Variants in LRP2 observed in about 807,000 individuals in gnomAD.
LRP2 encodes LDL receptor related protein 2.
LRP2 carries 172 observed loss-of-function variants against 531.0 expected under a neutral mutation model. The ratio of observed to expected loss-of-function variants is 0.32; its 90% CI spans 0.29 to 0.37. The LOEUF (loss-of-function observed/expected upper bound fraction) is 0.37. Ranked by LOEUF, LRP2 falls within the 10% of genes least tolerant of loss-of-function variation. The probability of loss-of-function intolerance (pLI) is 1.00; values close to 1 mark genes in which losing one functional copy is unlikely to be tolerated. For synonymous variants in LRP2, 1,992 were observed against 2,027.6 expected (o/e 0.98, Z 0.47); for missense variants, 5,167 against 5,868.3 (o/e 0.88, Z 3.90).
intron 4 of LRP2, among the ~76,000 whole-genome samples, chr2:169,300,751 A>T (rs1684267138): frequency 6.6e-6 from 1 of 152,040 alleles, no homozygotes; most frequent in Non-Finnish European, 1.5e-5. Context: ...GACAGGTAAG[A>T]TGGGGTCCTT....
In LRP2 at chr2:169,165,943, G is replaced by C; in HGVS notation, c.11747C>G (p.Thr3916Arg). The change falls in exon 62 of 79, where the codon ACA becomes AGA. Residue 3916 changes from threonine to arginine, a missense_variant. Thr to Arg is a moderately conservative substitution (Grantham distance 71). Coordinates refer to ENST00000649046, the MANE Select transcript of LRP2 (RefSeq NM_004525.3). ...TGACTTTTGCTTACAGTGCTCCTCT[G>C]TCTCATCAGTTCCATCTCCACAGTC... is the stretch of plus-strand genomic sequence containing the variant. ...VDDCGDGTDE[T>R]EEHCRKPTPK... The C allele has an allele frequency of 6.2e-7, 1 of 1,613,938 alleles. No homozygotes were observed. The highest frequency in any genetic ancestry group is 1.1e-5 in the South Asian group (1 of 91,068).
chr2:169,342,293 C>T (rs190609815), intron 1 of LRP2, among the ~76,000 whole-genome samples: 32 of 151,798 alleles, frequency 2.1e-4, no homozygotes, highest in African/African-American at 7.2e-4. Flanking sequence ...AACATGCCAA[C>T]TTATAAAACA....
Position 169,241,206 on chromosome 2 carries a change from A to AAATATG in LRP2, c.3821_3826dup (p.Ser1274_Tyr1275dup). Reference sequence around the variant, plus strand: ...GATGCAGTTTCCGTTGTCACAGTGGAAATATGATGAAGGGCAAGTCTTGGG... The same window carrying AAATATG: ...GATGCAGTTTCCGTTGTCACAGTGGAAATATGAATATGATGAAGGGCAAGTCTTGGG... On this transcript the variant is annotated inframe_insertion, in exon 25 of 79. Transcript: ENST00000649046. The AAATATG allele has an allele frequency of 6.2e-7, 1 of 1,614,176 alleles. No individual in the cohort carries two copies. The highest frequency in any genetic ancestry group is 8.5e-7 in the Non-Finnish European group (1 of 1,180,034).
chr2:169,217,152 G>A (rs904065662), intron 34 of LRP2, among the ~76,000 whole-genome samples: 4 of 152,126 alleles, frequency 2.6e-5, no homozygotes, highest in African/African-American at 4.8e-5. Flanking sequence ...CACTGAAGAT[G>A]TAAGTTCTAG....
intron 1 of LRP2, among the ~76,000 whole-genome samples, chr2:169,330,415 A>T (rs930737466): frequency 1.3e-5 from 2 of 152,132 alleles, no homozygotes; most frequent in African/African-American, 4.8e-5. Context: ...TGAGCCATTT[A>T]TAACTGAGCT....
At chr2:169,278,322 A>C (rs1419318034) in intron 12 of LRP2, among the ~76,000 whole-genome samples, 1 of 152,096 alleles carries the variant, frequency 6.6e-6, no homozygotes, top group Non-Finnish European at 1.5e-5. Flanking sequence ...CCATCTCTAC[A>C]AAAATTAAAA....
chr2:169,256,059 T>G, intron 19 of LRP2, 47 bp downstream of exon 19: 2 of 1,598,270 alleles, frequency 1.3e-6, no homozygotes, highest in South Asian at 2.2e-5. Flanking sequence ...CTATTGTAAC[T>G]TGCAATGTAT....
chr2:169,319,597 C>A (rs922302018), intron 2 of LRP2, among the ~76,000 whole-genome samples: 1 of 152,150 alleles, frequency 6.6e-6, no homozygotes, highest in African/African-American at 2.4e-5. Context: ...CTGCCCTTGC[C>A]TTTTTGCTTT....
intron 1 of LRP2, among the ~76,000 whole-genome samples, chr2:169,357,272 T>A (rs1686014324): frequency 6.7e-6 from 1 of 149,664 alleles, no homozygotes; most frequent in Non-Finnish European, 1.5e-5. Flanking sequence ...TTTTCTTTTT[T>A]TTTTCTTTTT....
At chr2:169,355,075 C>A (rs549246479) in intron 1 of LRP2, among the ~76,000 whole-genome samples, 6 of 152,310 alleles carry the variant, frequency 3.9e-5, no homozygotes, top group African/African-American at 1.4e-4. Flanking sequence ...GATCGCTCAG[C>A]TCATTTTCCA....
intron 13 of LRP2, among the ~76,000 whole-genome samples, chr2:169,276,426 A>G (rs577513386): frequency 6.6e-6 from 1 of 152,308 alleles, no homozygotes; most frequent in Admixed American, 6.5e-5. Flanking sequence ...ACTATATAAT[A>G]TAATGCTAAA....
chr2:169,138,369 G>A (rs774941794), intron 75 of LRP2, among the ~76,000 whole-genome samples: 19 of 152,172 alleles, frequency 1.2e-4, no homozygotes. Context: ...GCGTGGCTTA[G>A]AGCAGGGGTA....
At chr2:169,271,298 G>A (rs1683406750) in intron 15 of LRP2, among the ~76,000 whole-genome samples, 191 bp from the exon 16 acceptor site, 1 of 151,994 alleles carries the variant, frequency 6.6e-6, no homozygotes, top group African/African-American at 2.4e-5. Flanking sequence ...GCAACTATGA[G>A]GGAGATACAA....
intron 1 of LRP2, among the ~76,000 whole-genome samples, chr2:169,336,653 G>A (rs1685413923): frequency 6.6e-6 from 1 of 151,980 alleles, no homozygotes; most frequent in South Asian, 2.1e-4. Flanking sequence ...ACCCTCCAAA[G>A]TATTCTCCAC....
chr2:169,266,233 G>A (rs1246860340), intron 16 of LRP2, among the ~76,000 whole-genome samples: 2 of 151,664 alleles, frequency 1.3e-5, no homozygotes, highest in African/African-American at 4.8e-5. Context: ...AAAGCAAAAC[G>A]CTCACCTAGA....
At chr2:169,146,209 TG>T (rs1346369825) in intron 69 of LRP2, among the ~76,000 whole-genome samples, 1 of 152,226 alleles carries the variant, frequency 6.6e-6, no homozygotes, top group African/African-American at 2.4e-5. Context: ...ACTGCATTTT[TG>T]GAAAACAATT....
At chr2:169,173,014 A>AC in intron 57 of LRP2, 82 bp downstream of exon 57, 1 of 1,416,544 alleles carries the variant, frequency 7.1e-7, no homozygotes, top group South Asian at 1.2e-5. Flanking sequence ...TGGGAAATAC[A>AC]CTCTCATCTC....
In LRP2 at chr2:169,238,127, G is replaced by C. The variant is rs2105378632; in HGVS notation, c.4470C>G (p.Thr1490=). ...CCGTTCCATTTTGAAACGCACTCCA[G>C]GTTTTACCCTGAGTTGCATCAGACC... ...IFWSDATQGK[T]WSAFQNGTDR... is the part of the protein sequence containing the mutation. Residue 1490 remains threonine (T), a synonymous_variant, in exon 27 of 79, where the codon ACC becomes ACG. Transcript: ENST00000649046. 6.2e-7 allele frequency: 1 copy of C among 1,614,078 alleles called. No homozygotes were observed. The highest frequency in any genetic ancestry group is 2.2e-5 in the East Asian group (1 of 44,888).
rs1305365510 is a variant in LRP2 at position 169,246,688 on chromosome 2, A to AGTGCATAGCTACTTACTAAGT, written c.3186_3190+16dup. 6.2e-7 allele frequency: 1 copy of AGTGCATAGCTACTTACTAAGT among 1,614,074 alleles called. No homozygotes were observed. The highest frequency in any genetic ancestry group is 1.1e-5 in the South Asian group (1 of 91,082). On this transcript the variant is annotated intron_variant, in intron 21 of 78. Coordinates refer to ENST00000649046, the MANE Select transcript of LRP2 (RefSeq NM_004525.3). Reference sequence around the variant, plus strand: ...TCTATTCATCCCAGGAAATATCGCCAGTGCATAGCTACTTACTAAGTGTGC... The same window carrying AGTGCATAGCTACTTACTAAGT: ...TCTATTCATCCCAGGAAATATCGCCAGTGCATAGCTACTTACTAAGTGTGCATAGCTACTTACTAAGTGTGC...
Sources: allele counts gnomAD v4.1 joint callset (sites outside exome capture counted in the v4.1 genomes callset), GRCh38; gene constraint gnomAD v4.1.1; transcripts MANE v1.5; gene names NCBI Gene and HGNC (gene_info 2026-07-23, HGNC 2026-07-21).